PSMB2: variants seen among roughly 807,000 people sequenced by gnomAD.
The protein encoded by PSMB2 is proteasome 20S subunit beta 2.
Under a neutral mutation model 25.7 loss-of-function variants are expected in PSMB2, and 13 were observed. The ratio of observed to expected loss-of-function variants is 0.51; its 90% CI spans 0.33 to 0.80. The LOEUF is 0.80. Among genes scored for constraint, PSMB2 ranks in the 30% least tolerant of loss-of-function variants. The pLI is 0.02. For missense variants in PSMB2, 202 were observed against 259.0 expected (o/e 0.78, Z 1.51); for synonymous variants, 87 against 96.2 (o/e 0.90, Z 0.56).
chr1:35,604,159 G>C (rs1650092011), intron 5 of PSMB2, among the ~76,000 whole-genome samples: 5 of 151,976 alleles, frequency 3.3e-5, no homozygotes, highest in Admixed American at 2.0e-4. Flanking sequence ...TAAACCACGA[G>C]GTCAAGTTCA....
intron 3 of PSMB2, among the ~76,000 whole-genome samples, chr1:35,628,176 C>T (rs527671088): frequency 2.2e-4 from 34 of 152,084 alleles, no homozygotes; most frequent in Non-Finnish European, 4.3e-4. Context: ...GAGATTGGAC[C>T]TACTGGAAAA....
At chr1:35,624,876 C>T (rs956929118) in intron 3 of PSMB2, among the ~76,000 whole-genome samples, 17 of 151,970 alleles carry the variant, frequency 1.1e-4, no homozygotes, top group African/African-American at 4.1e-4. Context: ...TCCTGGCTAA[C>T]ACGATGAAAC....
intron 3 of PSMB2, among the ~76,000 whole-genome samples, chr1:35,615,442 A>G (rs929376637): frequency 4.6e-5 from 7 of 152,244 alleles, no homozygotes; most frequent in Admixed American, 3.3e-4. Context: ...ACTCTTGTGC[A>G]TATGACTCCT....
At chr1:35,628,506 A>G (rs539240449) in intron 3 of PSMB2, among the ~76,000 whole-genome samples, 2 of 147,748 alleles carry the variant, frequency 1.4e-5, no homozygotes, top group African/African-American at 5.0e-5. Context: ...AGAAAAACTA[A>G]TATCTGACCC....
rs182642021 is a variant in PSMB2 at position 35,631,150 on chromosome 1, T to C, written c.285+124A>G. On this transcript the variant is annotated intron_variant, in intron 3 of 5. Transcript: ENST00000373237. Reference sequence around the variant, plus strand: ...GACATTGGACTTAAGAATGAACAAGTAGCAACAGGAGGGGTTCTGGAAGGC... The same window carrying C: ...GACATTGGACTTAAGAATGAACAAGCAGCAACAGGAGGGGTTCTGGAAGGC... 1,854 of 818,902 alleles carry C rather than the reference T, an allele frequency of 2.3e-3. 5 individuals carry two copies. The highest frequency in any genetic ancestry group is 3.0e-3 in the Non-Finnish European group (1,481 of 496,808). 50.7% of individuals were successfully genotyped at this position (818,902 alleles called of 1,614,324 possible). A position where few individuals can be genotyped will look rare whatever the true frequency, so the allele number is the denominator to read the frequency against.
At chr1:35,632,677 C>T (rs112755017) in intron 2 of PSMB2, among the ~76,000 whole-genome samples, 5,840 of 152,024 alleles carry the variant, frequency 0.038, 354 homozygotes, top group African/African-American at 0.12. Flanking sequence ...GCAGATCACT[C>T]GAGCCCAGGA....
intron 1 of PSMB2, among the ~76,000 whole-genome samples, chr1:35,639,580 TA>T (rs141489974): frequency 0.015 from 2,274 of 152,346 alleles, 53 homozygotes; most frequent in African/African-American, 0.052. Context: ...CTATGGGTTA[TA>T]AGTAATATAC....
intron 3 of PSMB2, among the ~76,000 whole-genome samples, chr1:35,616,296 C>T (rs1368741764): frequency 6.6e-6 from 1 of 152,224 alleles, no homozygotes; most frequent in Non-Finnish European, 1.5e-5. Context: ...TGCAGTTTCA[C>T]ACTCATATAT....
chr1:35,614,035 G>A (rs978009410), intron 3 of PSMB2, among the ~76,000 whole-genome samples: 1 of 152,220 alleles, frequency 6.6e-6, no homozygotes, highest in Non-Finnish European at 1.5e-5. Context: ...GGATGTTAGT[G>A]CCCAGCACAG....
intron 3 of PSMB2, among the ~76,000 whole-genome samples, chr1:35,617,750 A>G (rs1295559926): frequency 6.6e-6 from 1 of 152,224 alleles, no homozygotes; most frequent in Admixed American, 6.5e-5. Flanking sequence ...CATGGGACAC[A>G]TACACCTGGA....
intron 5 of PSMB2, among the ~76,000 whole-genome samples, chr1:35,603,817 A>G (rs76205784): frequency 0.044 from 6,681 of 152,194 alleles, 457 homozygotes; most frequent in African/African-American, 0.14. Context: ...AGGTGGAAGA[A>G]TATCTTGAGC....
At chr1:35,640,558 T>C (rs191953737) in intron 1 of PSMB2, among the ~76,000 whole-genome samples, 1 of 152,284 alleles carries the variant, frequency 6.6e-6, no homozygotes, top group African/African-American at 2.4e-5. Flanking sequence ...GCCAAGCTTC[T>C]GGTCCCACAG....
At chr1:35,605,624 A>G (rs1415806769) in intron 4 of PSMB2, among the ~76,000 whole-genome samples, 6 of 152,190 alleles carry the variant, frequency 3.9e-5, no homozygotes, top group African/African-American at 1.4e-4. Flanking sequence ...ACTCCCCCTT[A>G]GTCCAGGGTT....
At chr1:35,622,843 A>G (rs1219647485) in intron 3 of PSMB2, among the ~76,000 whole-genome samples, 1 of 152,158 alleles carries the variant, frequency 6.6e-6, no homozygotes, top group Non-Finnish European at 1.5e-5. Flanking sequence ...AAAGAAAAAA[A>G]AATTTCCTGA....
rs377576754 is a variant in PSMB2, at chr1:35,620,006, T to C, written c.286-10598A>G. 6.8e-4 allele frequency among the ~76,000 whole-genome samples: 104 copies of C among 152,298 alleles called. 3 individuals are homozygous for C. The South Asian group carries it at 0.021, about 31-fold the overall frequency. ...GATTCTAGGAAAATTTAAGATTCCA[T>C]ATACCGTTAAGTCAGTTTTTAAAAA... On this transcript the variant is annotated intron_variant, in intron 3 of 5. Transcript: ENST00000373237.
At chr1:35,629,276 C>T (rs2148575335) in intron 3 of PSMB2, among the ~76,000 whole-genome samples, 1 of 152,316 alleles carries the variant, frequency 6.6e-6, no homozygotes, top group African/African-American at 2.4e-5. Context: ...GGTGAGATCA[C>T]GTGGTAAGGC....
intron 2 of PSMB2, among the ~76,000 whole-genome samples, chr1:35,631,856 T>C (rs915136922): frequency 1.3e-5 from 2 of 151,854 alleles, no homozygotes; most frequent in Non-Finnish European, 2.9e-5. Flanking sequence ...CCCCCATCTC[T>C]AAAAAAAATT....
At position 35,601,469 on chromosome 1, in the gene PSMB2, A is replaced by G; in HGVS notation, c.*1798T>C. 1.0e-6 allele frequency: 1 copy of G among 985,364 alleles called. No homozygotes were observed. Among genetic ancestry groups the G allele is most frequent in the Non-Finnish European group, 1.2e-6 (1 of 829,908 alleles). 61.0% of individuals were successfully genotyped at this position (985,364 alleles called of 1,614,324 possible). On this transcript the variant is annotated 3_prime_UTR_variant, in exon 6 of 6. Coordinates refer to ENST00000373237, the MANE Select transcript of PSMB2 (RefSeq NM_002794.5). Reference sequence around the variant, plus strand: ...TCATGGTGGTGTTGGAGGTTGAATCAACTGTAGTGACGTGAATCATCTCTT... The same window carrying G: ...TCATGGTGGTGTTGGAGGTTGAATCGACTGTAGTGACGTGAATCATCTCTT...
At chr1:35,629,908 C>T (rs1651040289) in intron 3 of PSMB2, among the ~76,000 whole-genome samples, 1 of 152,146 alleles carries the variant, frequency 6.6e-6, no homozygotes, top group Admixed American at 6.5e-5. Flanking sequence ...GTGGCTCGCG[C>T]CTGTAATCCC....
Sources: gnomAD v4.1 joint callset for allele counts (sites outside exome capture counted in the v4.1 genomes callset) on GRCh38, gnomAD v4.1.1 for gene constraint, MANE v1.5 for transcripts, NCBI Gene and HGNC (gene_info 2026-07-23, HGNC 2026-07-21) for gene names.